Variants in DLGAP4 observed in about 807,000 individuals in gnomAD.
The protein encoded by DLGAP4 is DLG associated protein 4.
In DLGAP4, 18 loss-of-function variants were observed where a neutral mutation model predicts 86.9. The ratio of observed to expected loss-of-function variants is 0.21; its 90% CI spans 0.14 to 0.31. The LOEUF (loss-of-function observed/expected upper bound fraction) is 0.31, where lower values mean the gene tolerates loss of function less well. DLGAP4 is among the 10% of genes least tolerant of loss of function. DLGAP4 has a pLI of 1.00. For synonymous variants in DLGAP4, 548 were observed against 574.3 expected (o/e 0.95, Z 0.65); for missense variants, 1,085 against 1,362.6 (o/e 0.80, Z 3.21).
intron 2 of DLGAP4, among the ~76,000 whole-genome samples, chr20:36,382,012 C>G (rs1228202429): frequency 6.6e-6 from 1 of 152,104 alleles, no homozygotes; most frequent in Non-Finnish European, 1.5e-5. Flanking sequence ...TGACAGCTGG[C>G]CAGCTGGGCA....
intron 11 of DLGAP4, among the ~76,000 whole-genome samples, chr20:36,524,761 G>C (rs1282110888): frequency 6.6e-6 from 1 of 151,990 alleles, no homozygotes. Context: ...AATTAGCTGG[G>C]CGTGGTGGTG....
At position 36,308,806 on chromosome 20, in the gene DLGAP4, G is replaced by T. The variant is rs527542397; in HGVS notation, c.-304+2294G>T. On this transcript the variant is annotated intron_variant, in intron 1 of 12. Coordinates refer to ENST00000339266, the MANE Select transcript of DLGAP4 (RefSeq NM_001365621.2). The surrounding 1 kb of genome is among the most constrained non-coding windows in gnomAD (Gnocchi z 4.5). ...TCATTCAGAAAAGCATTAGAAAATC[G>T]CATTTGCTAACATCAGTGCATTTGA... is the stretch of plus-strand genomic sequence containing the variant. Among the ~76,000 whole-genome samples the T allele has an allele frequency of 1.3e-5, 2 of 152,102 alleles. No homozygotes were observed. Among genetic ancestry groups the T allele is most frequent in the African/African-American group, 4.8e-5 (2 of 41,402 alleles).
At chr20:36,437,554 A>G (rs1451329543) in intron 4 of DLGAP4, among the ~76,000 whole-genome samples, 1 of 152,198 alleles carries the variant, frequency 6.6e-6, no homozygotes, top group Admixed American at 6.5e-5. Context: ...CAGAAGCCAA[A>G]GAGTGATAGA....
At chr20:36,376,325 G>C (rs562080875) in intron 2 of DLGAP4, among the ~76,000 whole-genome samples, 2 of 152,212 alleles carry the variant, frequency 1.3e-5, no homozygotes, top group East Asian at 3.9e-4. Flanking sequence ...ACAAAAATTA[G>C]CTGGGTGCAG....
intron 7 of DLGAP4, among the ~76,000 whole-genome samples, chr20:36,495,160 T>G (rs1213966458): frequency 2.0e-5 from 3 of 152,066 alleles, no homozygotes; most frequent in African/African-American, 4.8e-5. Context: ...CCCAGCTGCA[T>G]GTTTTATTTT....
At chr20:36,381,073 G>T (rs2031374646) in intron 2 of DLGAP4, among the ~76,000 whole-genome samples, 1 of 152,258 alleles carries the variant, frequency 6.6e-6, no homozygotes, top group South Asian at 2.1e-4. Context: ...CACAGGGAAA[G>T]ATTCTAAGAG....
chr20:36,459,855 C>A (rs1290009408), intron 7 of DLGAP4, among the ~76,000 whole-genome samples: 1 of 152,224 alleles, frequency 6.6e-6, no homozygotes, highest in East Asian at 1.9e-4. Flanking sequence ...GATCCTCCCG[C>A]CTTGGCCTCC....
chr20:36,313,185 G>A (rs2065068171), intron 1 of DLGAP4, among the ~76,000 whole-genome samples: 1 of 152,296 alleles, frequency 6.6e-6, no homozygotes, highest in South Asian at 2.1e-4. Context: ...ACTGCAGGCT[G>A]ACTGCGTGCA....
chr20:36,436,699 C>T (rs1469986228), intron 4 of DLGAP4, among the ~76,000 whole-genome samples: 4 of 152,092 alleles, frequency 2.6e-5, no homozygotes, highest in Admixed American at 2.6e-4. Context: ...GCCTGTAATC[C>T]CAGCTACTCG....
At chr20:36,515,124 T>C (rs1569524699) in intron 10 of DLGAP4, among the ~76,000 whole-genome samples, 1 of 152,240 alleles carries the variant, frequency 6.6e-6, no homozygotes, top group African/African-American at 2.4e-5. Context: ...AGCTTGAGTT[T>C]ACTGTTTTCC....
chr20:36,347,131 G>A (rs6028306), intron 1 of DLGAP4, among the ~76,000 whole-genome samples: 1 of 151,990 alleles, frequency 6.6e-6, no homozygotes. Context: ...TGGTGGTGCA[G>A]GGCTCCCAGA....
At chr20:36,456,517 G>A (rs1225334328) in intron 7 of DLGAP4, among the ~76,000 whole-genome samples, 1 of 152,174 alleles carries the variant, frequency 6.6e-6, no homozygotes, top group Admixed American at 6.5e-5. Flanking sequence ...ATAATGGGAG[G>A]ACCCAGGAGG....
At position 36,350,028 on chromosome 20, in the gene DLGAP4, C is replaced by T. The variant is rs2030097753; in HGVS notation, c.-303-17017C>T. Among the ~76,000 whole-genome samples, 1 of 152,162 alleles carries T rather than the reference C, an allele frequency of 6.6e-6. No individual in the cohort carries two copies. The highest frequency in any genetic ancestry group is 1.5e-5 in the Non-Finnish European group (1 of 68,036). ...CCGGCCCCTCATCCCCACAGGCTCCCAAGCAGGTGAGTGCACCAGCATCTC... is the reference window on the plus strand; with the variant it reads ...CCGGCCCCTCATCCCCACAGGCTCCTAAGCAGGTGAGTGCACCAGCATCTC... On this transcript the variant is annotated intron_variant, in intron 1 of 12. Coordinates refer to ENST00000339266, the MANE Select transcript of DLGAP4 (RefSeq NM_001365621.2). This position sits in a 1 kb window ranked among gnomAD's most constrained non-coding sequence, Gnocchi z 4.4.
At chr20:36,384,147 GT>G (rs1466139155) in intron 2 of DLGAP4, among the ~76,000 whole-genome samples, 1 of 152,134 alleles carries the variant, frequency 6.6e-6, no homozygotes, top group African/African-American at 2.4e-5. Flanking sequence ...GAGCTGTGCT[GT>G]TTGGGGTGCG....
intron 2 of DLGAP4, among the ~76,000 whole-genome samples, chr20:36,413,599 T>C (rs2032570050): frequency 6.6e-6 from 1 of 151,436 alleles, no homozygotes; most frequent in East Asian, 2.0e-4. Flanking sequence ...GTTTTTTTTT[T>C]TAGTAGAGGT....
At chr20:36,436,042 G>A (rs1002395608) in intron 3 of DLGAP4, 67 bp from the exon 4 acceptor site, 7 of 1,473,292 alleles carry the variant, frequency 4.8e-6, no homozygotes, top group Non-Finnish European at 6.3e-6. Context: ...AGGTCCCGGA[G>A]ATGGGGGTTC....
At chr20:36,462,019 AC>A in intron 7 of DLGAP4, 5 of 984,418 alleles carry the variant, frequency 5.1e-6, no homozygotes, top group Non-Finnish European at 6.0e-6. Context: ...CCTTGAGAAC[AC>A]CTTCCACTCT....
intron 7 of DLGAP4, among the ~76,000 whole-genome samples, chr20:36,450,488 G>A (rs914321254): frequency 1.3e-5 from 2 of 151,648 alleles, no homozygotes; most frequent in African/African-American, 4.8e-5. Flanking sequence ...ACAAAAGTGA[G>A]ACTCCGTCTC....
intron 6 of DLGAP4, among the ~76,000 whole-genome samples, chr20:36,445,015 G>A (rs1482683463): frequency 2.0e-5 from 3 of 152,088 alleles, no homozygotes; most frequent in Non-Finnish European, 4.4e-5. Flanking sequence ...GGAGTGCAGT[G>A]TCACAATCAT....
Sources: allele counts gnomAD v4.1 joint callset (sites outside exome capture counted in the v4.1 genomes callset), GRCh38; gene constraint gnomAD v4.1.1; non-coding constraint Gnocchi (gnomAD v3.1); transcripts MANE v1.5; gene names NCBI Gene and HGNC (gene_info 2026-07-23, HGNC 2026-07-21).